The following HS6ST2 variants were observed in gnomAD, a reference collection of about 807,000 sequenced individuals.
The protein encoded by HS6ST2 is heparan-sulfate 6-O-sulfotransferase 2.
A neutral mutation model predicts 33.0 loss-of-function variants in HS6ST2; 17 were observed. The ratio of observed to expected loss-of-function variants is 0.52; its 90% CI spans 0.35 to 0.77. HS6ST2 has a LOEUF of 0.77. HS6ST2 is among the 30% of genes least tolerant of loss of function. The pLI, the probability that HS6ST2 is intolerant of heterozygous loss-of-function variation, is 0.01. For missense variants in HS6ST2, 519 were observed against 551.7 expected (o/e 0.94, Z 0.59); for synonymous variants, 248 against 237.1 (o/e 1.05, Z -0.42).
At chrX:132,956,731 C>A in intron 2 of HS6ST2, 77 bp downstream of exon 2, 2 of 1,071,544 alleles carry the variant, frequency 1.9e-6, no homozygotes, top group Non-Finnish European at 2.4e-6. Context: ...GCTAGGTCCC[C>A]GGCTTGGGCC....
intron 2 of HS6ST2, among the ~76,000 whole-genome samples, chrX:132,816,497 C>T (rs2065395895): frequency 1.8e-5 from 2 of 111,288 alleles, no homozygotes; most frequent in African/African-American, 6.5e-5. Context: ...TTATTTGAAC[C>T]AAATGGGTAG....
At chrX:132,755,272 C>G (rs1304941505) in intron 2 of HS6ST2, among the ~76,000 whole-genome samples, 1 of 111,689 alleles carries the variant, frequency 9.0e-6, no homozygotes, top group Non-Finnish European at 1.9e-5. Context: ...CTGTTGGTAG[C>G]TCTTTTAGTT....
Position 132,958,306 on chromosome X carries a change from G to C in HS6ST2, c.297C>G (p.His99Gln). The change falls in exon 1 of 5, where the codon CAC (histidine) becomes CAG (glutamine). Residue 99 changes from histidine to glutamine, a missense_variant. By Grantham distance (24) the His-to-Gln change is conservative (BLOSUM62 0). Coordinates refer to ENST00000370833, the MANE Select transcript of HS6ST2 (RefSeq NM_001394073.1). ...CCAGGTCCCAGCGTCGCCTGAGGACGTGCATCCGCCTGCGGCGGCCCCGGG... is the reference window on the plus strand; with the variant it reads ...CCAGGTCCCAGCGTCGCCTGAGGACCTGCATCCGCCTGCGGCGGCCCCGGG... ...LLSRGRRRRM[H>Q]VLRRRWDLGS... is the part of the protein sequence containing the mutation. The C allele has an allele frequency of 1.7e-6, 2 of 1,195,678 alleles. No homozygotes were observed. Among genetic ancestry groups the C allele is most frequent in the Non-Finnish European group, 2.2e-6 (2 of 892,687 alleles).
chrX:132,705,295 A>G (rs1413658313), intron 3 of HS6ST2, among the ~76,000 whole-genome samples: 2 of 110,608 alleles, frequency 1.8e-5, no homozygotes, highest in East Asian at 5.7e-4. Context: ...AACCCTTTCA[A>G]GCAAGAGAAT....
chrX:132,649,359 G>A (rs1004506306), intron 4 of HS6ST2, among the ~76,000 whole-genome samples: 1 of 111,930 alleles, frequency 8.9e-6, no homozygotes, highest in Non-Finnish European at 1.9e-5. Context: ...GTGTGAGTCA[G>A]GGCATTTAGC....
Position 132,809,398 on chromosome X carries a change from A to G in HS6ST2, c.948-100904T>C, listed in dbSNP as rs146738173. Among the ~76,000 whole-genome samples the G allele has an allele frequency of 1.6e-3, 176 of 112,454 alleles. 3 individuals are homozygous for G. The highest frequency in any genetic ancestry group is 0.015 in the Admixed American group (156 of 10,608). Reference sequence around the variant, plus strand: ...TCCTGCTCAATCAGAATCTCTGAGAATAGATCCCAGGAATTAGCAGAAATT... The same window carrying G: ...TCCTGCTCAATCAGAATCTCTGAGAGTAGATCCCAGGAATTAGCAGAAATT... On this transcript the variant is annotated intron_variant, in intron 2 of 4. Transcript: ENST00000370833.
rs191330302 is a variant in HS6ST2, at chrX:132,855,875, G to A, written c.947+100933C>T. Among the ~76,000 whole-genome samples, 22 of 109,455 alleles carry A rather than the reference G, an allele frequency of 2.0e-4. No homozygotes were observed. In the East Asian group the frequency reaches 4.3e-3, roughly 21 times the overall value. The stretch of plus-strand genomic sequence containing the variant: ...ATGCCAGGCAACTAGATGTGGTTCC[G>A]GGAGTTGGTCAGTGCTTTCCTTATT... On this transcript the variant is annotated intron_variant, in intron 2 of 4. Coordinates refer to ENST00000370833, the MANE Select transcript of HS6ST2 (RefSeq NM_001394073.1).
chrX:132,798,965 G>A (rs751797129), intron 2 of HS6ST2, among the ~76,000 whole-genome samples: 1 of 112,002 alleles, frequency 8.9e-6, no homozygotes, highest in South Asian at 3.8e-4. Context: ...CTTGCAAGGA[G>A]GCCTGACCCA....
At chrX:132,652,879 A>G in intron 4 of HS6ST2, among the ~76,000 whole-genome samples, 1 of 111,487 alleles carries the variant, frequency 9.0e-6, no homozygotes, top group East Asian at 2.8e-4. Flanking sequence ...TGCCACAATT[A>G]TCAGAGATTT....
chrX:132,684,282 T>C lies in HS6ST2; in HGVS notation c.981-15083A>G, dbSNP rs950605310. ...ATATGTATATATATGTATATACATATATATATACACGCACACACATATATG... is the reference window on the plus strand; with the variant it reads ...ATATGTATATATATGTATATACATACATATATACACGCACACACATATATG... On this transcript the variant is annotated intron_variant, in intron 3 of 4. Transcript: ENST00000370833. Among the ~76,000 whole-genome samples, 4 of 103,984 alleles carry C rather than the reference T, an allele frequency of 3.8e-5. No individual in the cohort carries two copies. In the East Asian group the frequency reaches 1.2e-3, roughly 31 times the overall value. The allele number at this position is 103,984 out of a possible 115,157, so 90.3% of individuals were successfully genotyped here. A position where few individuals can be genotyped will look rare whatever the true frequency, so the allele number is the denominator to read the frequency against.
chrX:132,665,652 T>C (rs1275320882), intron 4 of HS6ST2, among the ~76,000 whole-genome samples: 1 of 111,421 alleles, frequency 9.0e-6, no homozygotes, highest in African/African-American at 3.3e-5. Context: ...AAGGGAACCA[T>C]ATGTGAGGCT....
At chrX:132,711,495 T>C (rs1352495434) in intron 2 of HS6ST2, among the ~76,000 whole-genome samples, 1 of 111,522 alleles carries the variant, frequency 9.0e-6, no homozygotes, top group Non-Finnish European at 1.9e-5. Flanking sequence ...ACTCTCCCAG[T>C]GGGCTGTATG....
At chrX:132,709,618 C>T (rs758026545) in intron 2 of HS6ST2, among the ~76,000 whole-genome samples, 1 of 110,769 alleles carries the variant, frequency 9.0e-6, no homozygotes, top group East Asian at 2.8e-4. Context: ...TTAGACAAGA[C>T]ACTCCTATTA....
intron 2 of HS6ST2, among the ~76,000 whole-genome samples, chrX:132,840,043 C>G (rs1602736573): frequency 9.1e-6 from 1 of 110,468 alleles, no homozygotes. Context: ...TTGAACCCAG[C>G]AGGCAGAGTT....
chrX:132,759,913 T>C (rs1157141236), intron 2 of HS6ST2, among the ~76,000 whole-genome samples: 1 of 111,576 alleles, frequency 9.0e-6, no homozygotes, highest in Non-Finnish European at 1.9e-5. Flanking sequence ...TCCTATGAGG[T>C]AGGTTCTATT....
At chrX:132,878,117 G>A (rs772942526) in intron 2 of HS6ST2, among the ~76,000 whole-genome samples, 1 of 112,088 alleles carries the variant, frequency 8.9e-6, no homozygotes, top group Non-Finnish European at 1.9e-5. Context: ...CCAGGTTCTC[G>A]TCTCATGACT....
chrX:132,792,670 CCCATCACCTGCCCA>C (rs1354858713), intron 2 of HS6ST2, among the ~76,000 whole-genome samples: 1 of 111,396 alleles, frequency 9.0e-6, no homozygotes, highest in Non-Finnish European at 1.9e-5. Flanking sequence ...TCCCTCTTCC[CCCATCACCTGCCCA>C]CCACTAATCT....
intron 2 of HS6ST2, among the ~76,000 whole-genome samples, chrX:132,800,708 G>A (rs1160137609): frequency 9.0e-6 from 1 of 111,401 alleles, no homozygotes; most frequent in African/African-American, 3.3e-5. Context: ...ACTACATGCT[G>A]ACTGGCCGGT....
chrX:132,914,461 A>T (rs1429349505), intron 2 of HS6ST2, among the ~76,000 whole-genome samples: 1 of 112,701 alleles, frequency 8.9e-6, no homozygotes, highest in East Asian at 2.8e-4. Context: ...ACAGCATTTA[A>T]GCCTAACCAC....
Sources: allele counts gnomAD v4.1 joint callset (sites outside exome capture counted in the v4.1 genomes callset), GRCh38; gene constraint gnomAD v4.1.1; transcripts MANE v1.5; gene names NCBI Gene and HGNC (gene_info 2026-07-23, HGNC 2026-07-21).